The following RUNDC3B variants were observed in gnomAD, a reference collection of about 807,000 sequenced individuals.
The protein encoded by RUNDC3B is RUN domain-containing protein 3B.
In RUNDC3B, 33 loss-of-function variants were observed where a neutral mutation model predicts 58.4. The ratio of observed to expected loss-of-function variants is 0.56; its 90% CI spans 0.43 to 0.75. RUNDC3B has a LOEUF of 0.75. Among genes scored for constraint, RUNDC3B ranks in the 30% least tolerant of loss-of-function variants. RUNDC3B has a pLI of 0.00. For synonymous variants in RUNDC3B, 193 were observed against 195.2 expected, an observed-to-expected ratio of 0.99 and a Z score of 0.10; for missense variants, 501 against 535.7, an observed-to-expected ratio of 0.94 and a Z score of 0.64.
chr7:87,737,054 C>A (rs986921999), intron 4 of RUNDC3B, among the ~76,000 whole-genome samples: 2 of 150,620 alleles, frequency 1.3e-5, no homozygotes, highest in South Asian at 4.2e-4. Context: ...TGTGCCACCA[C>A]GTCTGGCTAA....
At chr7:87,676,864 T>C (rs564679010) in intron 2 of RUNDC3B, among the ~76,000 whole-genome samples, 1 of 152,202 alleles carries the variant, frequency 6.6e-6, no homozygotes, top group East Asian at 1.9e-4. Flanking sequence ...AACTGATATA[T>C]GAAAAGACAC....
At chr7:87,653,582 A>G (rs1475042410) in intron 2 of RUNDC3B, among the ~76,000 whole-genome samples, 1 of 152,156 alleles carries the variant, frequency 6.6e-6, no homozygotes, top group African/African-American at 2.4e-5. Context: ...GTTATTGGAC[A>G]GGTTAGATTA....
At chr7:87,796,606 T>C (rs997808160) in intron 8 of RUNDC3B, among the ~76,000 whole-genome samples, 5 of 152,078 alleles carry the variant, frequency 3.3e-5, no homozygotes, top group Admixed American at 3.3e-4. Flanking sequence ...ACAAAAACTT[T>C]AAAAAGAAAG....
At chr7:87,753,659 A>G (rs1259393357) in intron 6 of RUNDC3B, among the ~76,000 whole-genome samples, 1 of 152,190 alleles carries the variant, frequency 6.6e-6, no homozygotes, top group Non-Finnish European at 1.5e-5. Context: ...CAACAATAGT[A>G]GTTGTATCTT....
At chr7:87,675,167 C>T (rs1826201670) in intron 2 of RUNDC3B, among the ~76,000 whole-genome samples, 1 of 152,216 alleles carries the variant, frequency 6.6e-6, no homozygotes, top group Non-Finnish European at 1.5e-5. Flanking sequence ...TGTGCTTAGC[C>T]TCCCCATGCT....
At chr7:87,651,719 C>G (rs2130378527) in intron 2 of RUNDC3B, among the ~76,000 whole-genome samples, 1 of 152,204 alleles carries the variant, frequency 6.6e-6, no homozygotes, top group East Asian at 1.9e-4. Context: ...CTCAGGCGTA[C>G]TGTGAAGATT....
chr7:87,760,011 G>T (rs987869338), intron 6 of RUNDC3B, among the ~76,000 whole-genome samples: 2 of 151,330 alleles, frequency 1.3e-5, no homozygotes, highest in Non-Finnish European at 2.9e-5. Flanking sequence ...AAATAATTTG[G>T]TTTTAGATGT....
In RUNDC3B at chr7:87,729,157, CTG is replaced by C. The variant is rs773325235; in HGVS notation, c.459-10633_459-10632del. Among the ~76,000 whole-genome samples the C allele has an allele frequency of 1.2e-3, 184 of 152,066 alleles. 1 individual carries two copies. The highest frequency in any genetic ancestry group is 1.5e-3 in the Non-Finnish European group (105 of 67,992). ...GAGGAAGGCCAATAATATATAATAACTGAGGAAAGTGGGGCAAGATGGATGAA... is the reference window on the plus strand; with the variant it reads ...GAGGAAGGCCAATAATATATAATAACAGGAAAGTGGGGCAAGATGGATGAA... On this transcript the variant is annotated intron_variant, in intron 4 of 10. Transcript: ENST00000394654.
chr7:87,634,641 A>C (rs1284640813), intron 1 of RUNDC3B, among the ~76,000 whole-genome samples: 2 of 152,114 alleles, frequency 1.3e-5, no homozygotes, highest in Non-Finnish European at 2.9e-5. Flanking sequence ...AAAAAAAGAA[A>C]AAAAAAAGAA....
chr7:87,797,746 T>A (rs1835892634), intron 8 of RUNDC3B, among the ~76,000 whole-genome samples: 1 of 152,236 alleles, frequency 6.6e-6, no homozygotes, highest in African/African-American at 2.4e-5. Context: ...AAGACACTGA[T>A]GTCCTACCTC....
At chr7:87,659,154 CCT>C (rs1824438764) in intron 2 of RUNDC3B, 1 of 397,004 alleles carries the variant, frequency 2.5e-6, no homozygotes, top group Non-Finnish European at 4.9e-6. Flanking sequence ...AGAATGAGAC[CCT>C]GTCTCAAAAC....
intron 8 of RUNDC3B, among the ~76,000 whole-genome samples, chr7:87,788,648 T>C (rs1345874994): frequency 6.6e-6 from 1 of 151,476 alleles, no homozygotes; most frequent in East Asian, 1.9e-4. Context: ...TGGATCAGTA[T>C]ATGGAAAGTT....
chr7:87,634,297 A>G (rs1403604741), intron 1 of RUNDC3B, among the ~76,000 whole-genome samples: 1 of 152,150 alleles, frequency 6.6e-6, no homozygotes, highest in Non-Finnish European at 1.5e-5. Flanking sequence ...GACCAACCAT[A>G]TACAGATTGC....
chr7:87,750,945 G>C (rs1435334410), intron 6 of RUNDC3B, among the ~76,000 whole-genome samples: 3 of 152,120 alleles, frequency 2.0e-5, no homozygotes, highest in Admixed American at 1.3e-4. Flanking sequence ...TAGACATGAA[G>C]TCCTTGCCCA....
chr7:87,660,161 C>A (rs182480682), intron 2 of RUNDC3B, among the ~76,000 whole-genome samples: 1 of 151,764 alleles, frequency 6.6e-6, no homozygotes, highest in Non-Finnish European at 1.5e-5. Flanking sequence ...GAGAATTTTG[C>A]GTAAGTTTGG....
intron 2 of RUNDC3B, among the ~76,000 whole-genome samples, chr7:87,676,168 A>G (rs1048090095): frequency 3.9e-5 from 6 of 152,152 alleles, no homozygotes; most frequent in Non-Finnish European, 8.8e-5. Context: ...TTGAGGCTTC[A>G]GTGAGCTATC....
chr7:87,669,107 G>T (rs1825572113), intron 2 of RUNDC3B, among the ~76,000 whole-genome samples: 1 of 152,078 alleles, frequency 6.6e-6, no homozygotes, highest in Non-Finnish European at 1.5e-5. Context: ...TTCCATGGGA[G>T]TTTGTGCCTC....
intron 2 of RUNDC3B, among the ~76,000 whole-genome samples, chr7:87,699,691 C>G (rs1483441857): frequency 6.6e-6 from 1 of 152,212 alleles, no homozygotes; most frequent in African/African-American, 2.4e-5. Context: ...CAAGCATGAG[C>G]TACCATGCCC....
intron 4 of RUNDC3B, among the ~76,000 whole-genome samples, chr7:87,727,364 C>T (rs1254623711): frequency 2.0e-5 from 3 of 152,070 alleles, no homozygotes; most frequent in African/African-American, 7.2e-5. Context: ...ATGATTATCT[C>T]ATGGATGCAG....
Sources: allele counts gnomAD v4.1 joint callset (sites outside exome capture counted in the v4.1 genomes callset), GRCh38; gene constraint gnomAD v4.1.1; transcripts MANE v1.5; gene names NCBI Gene and HGNC (gene_info 2026-07-23, HGNC 2026-07-21).